Variants in ADH1B observed in about 807,000 individuals in gnomAD.
The protein encoded by ADH1B is all-trans-retinol dehydrogenase [NAD(+)] ADH1B.
ADH1B carries 29 observed loss-of-function variants against 34.6 expected under a neutral mutation model. The observed-to-expected ratio is 0.84, with a 90% CI of 0.62 to 1.14. The LOEUF (loss-of-function observed/expected upper bound fraction) is 1.14, where lower values mean the gene tolerates loss of function less well. ADH1B is among the 50% of genes most tolerant of loss of function. The probability of loss-of-function intolerance (pLI) is 0.00; values close to 1 mark genes in which losing one functional copy is unlikely to be tolerated. For synonymous variants in ADH1B, 170 were observed against 175.5 expected (o/e 0.97, Z 0.25); for missense variants, 424 against 468.4 (o/e 0.91, Z 0.87).
intron 3 of ADH1B, 73 bp from the exon 4 acceptor site, chr4:99,316,375 A>C (rs1325162502): frequency 1.4e-6 from 2 of 1,425,470 alleles, no homozygotes; most frequent in East Asian, 2.3e-5. Flanking sequence ...TAAAGCTCAC[A>C]TGTATTGATT....
chr4:99,311,460 T>C (rs1733751899), intron 7 of ADH1B, 61 bp downstream of exon 7: 2 of 1,553,094 alleles, frequency 1.3e-6, no homozygotes, highest in Non-Finnish European at 8.8e-7. Context: ...TGAGATTATA[T>C]TGAGATTAAT....
chr4:99,320,205 C>A (rs1733988414), intron 1 of ADH1B: 1 of 152,144 alleles, frequency 6.6e-6, no homozygotes, highest in Admixed American at 6.5e-5. Context: ...CCTCCTACTG[C>A]CCTTTTCCCT....
chr4:99,315,680 T>C (rs2110635564), intron 5 of ADH1B: 1 of 621,488 alleles, frequency 1.6e-6, no homozygotes, highest in East Asian at 2.9e-5. Context: ...AGAAGAAAAA[T>C]TATTGTAAAT....
At chr4:99,313,273 C>G (rs968767512) in intron 6 of ADH1B, among the ~76,000 whole-genome samples, 1 of 152,134 alleles carries the variant, frequency 6.6e-6, no homozygotes, top group South Asian at 2.1e-4. Context: ...TAGCTATGTG[C>G]CAGGCACTGT....
chr4:99,318,959 T>A lies in ADH1B; in HGVS notation c.19-73A>T, dbSNP rs28913912. 1.3e-3 allele frequency: 1,870 copies of A among 1,494,140 alleles called. 23 individuals are homozygous for A. The African/African-American group carries it at 0.022, about 18-fold the overall frequency. The allele number at this position is 1,494,140 out of a possible 1,614,324, so 92.6% of individuals were successfully genotyped here. On this transcript the variant is annotated intron_variant, in intron 1 of 8. Coordinates refer to ENST00000305046, the MANE Select transcript of ADH1B (RefSeq NM_000668.6). ...AGTCATAAGTTGTGTCTTTTCATCT[T>A]TGTACATGTAATATTGCGTCCCATG...
At chr4:99,315,419 G>C (rs974053478) in intron 5 of ADH1B, 11 of 194,134 alleles carry the variant, frequency 5.7e-5, no homozygotes, top group Non-Finnish European at 1.2e-4. Context: ...AATCCACAGA[G>C]TGGGTGAGCC....
intron 3 of ADH1B, chr4:99,317,770 T>A (rs985217557): frequency 6.9e-6 from 3 of 432,050 alleles, no homozygotes; most frequent in Non-Finnish European, 1.2e-5. Flanking sequence ...AGGCACTGTG[T>A]CTCTTTTGAT....
At chr4:99,308,316 A>G (rs1733664645) in intron 8 of ADH1B, among the ~76,000 whole-genome samples, 1 of 150,940 alleles carries the variant, frequency 6.6e-6, no homozygotes, top group East Asian at 1.9e-4. Flanking sequence ...TAGAGATTAT[A>G]AAAACTGAGA....
rs137896244 is a variant in ADH1B at position 99,309,346 on chromosome 4, T to C, written c.1103+1419A>G. ...TGTATCAATTACTACTGAAAGTACATGAAAGTGCCCAACTCACCTTATTCT... is the reference window on the plus strand; with the variant it reads ...TGTATCAATTACTACTGAAAGTACACGAAAGTGCCCAACTCACCTTATTCT... On this transcript the variant is annotated intron_variant, in intron 8 of 8. Coordinates refer to ENST00000305046, the MANE Select transcript of ADH1B (RefSeq NM_000668.6). 1.7e-3 allele frequency among the ~76,000 whole-genome samples: 259 copies of C among 152,326 alleles called. 1 individual carries two copies. Among genetic ancestry groups the C allele is most frequent in the African/African-American group, 5.7e-3 (237 of 41,570 alleles).
intron 3 of ADH1B, 24 bp downstream of exon 3, chr4:99,318,022 G>C (rs770743634): frequency 6.2e-7 from 1 of 1,612,854 alleles, no homozygotes; most frequent in East Asian, 2.2e-5. Flanking sequence ...AACCACACGT[G>C]TTCCCTGAGT....
intron 1 of ADH1B, chr4:99,320,852 T>G (rs879120900): frequency 1.8e-5 from 23 of 1,256,636 alleles, no homozygotes; most frequent in Non-Finnish European, 2.2e-5. Context: ...TATAGTAAGG[T>G]TAAAGGATAT....
chr4:99,311,711 C>G, intron 6 of ADH1B, 55 bp from the exon 7 acceptor site: 1 of 1,597,152 alleles, frequency 6.3e-7, no homozygotes, highest in Non-Finnish European at 8.5e-7. Flanking sequence ...AGTTCCTACT[C>G]ATAATGCACA....
intron 3 of ADH1B, 148 bp downstream of exon 3, chr4:99,317,898 C>A: frequency 7.4e-7 from 1 of 1,346,970 alleles, no homozygotes; most frequent in Non-Finnish European, 1.0e-6. Context: ...GTCAGGCAGG[C>A]AGAGAGGGAA....
chr4:99,313,849 A>G lies in ADH1B; in HGVS notation c.800T>C (p.Phe267Ser). The G allele has an allele frequency of 3.1e-6, 5 of 1,614,044 alleles. No homozygotes were observed. The highest frequency in any genetic ancestry group is 4.2e-6 in the Non-Finnish European group (5 of 1,179,904). The stretch of plus-strand genomic sequence containing the variant: ...GGTGTCAAGCCGACCGATGACTTCA[A>G]ACGAAAAATCCACACCTCCATCAGT... ...EMTDGGVDFS[F>S]EVIGRLDTMM... Residue 267 changes from phenylalanine to serine, a missense_variant, in exon 6 of 9, where the codon TTT becomes TCT. Transcript: ENST00000305046.
chr4:99,313,689 TAACA>T (rs1733806071), intron 6 of ADH1B, 128 bp downstream of exon 6: 9 of 1,520,532 alleles, frequency 5.9e-6, no homozygotes, highest in Admixed American at 2.0e-5. Flanking sequence ...ACAAGCCACA[TAACA>T]AACAGATGAT....
chr4:99,319,556 T>C (rs572386906), intron 1 of ADH1B: 1 of 155,678 alleles, frequency 6.4e-6, no homozygotes, highest in Admixed American at 6.3e-5. Flanking sequence ...AGATTAGAGT[T>C]GGTGGTGTGT....
chr4:99,316,496 G>T (rs1733889479), intron 3 of ADH1B, 194 bp from the exon 4 acceptor site: 1 of 667,782 alleles, frequency 1.5e-6, no homozygotes, highest in Non-Finnish European at 2.5e-6. Flanking sequence ...AGTGCCTGAG[G>T]ATTCCTACTG....
At chr4:99,319,878 T>C (rs1733982064) in intron 1 of ADH1B, 1 of 152,124 alleles carries the variant, frequency 6.6e-6, no homozygotes, top group South Asian at 2.1e-4. Flanking sequence ...ATTTTCAACT[T>C]TGTAGGATGT....
intron 5 of ADH1B, 134 bp downstream of exon 5, chr4:99,315,764 C>G: frequency 9.1e-7 from 1 of 1,097,074 alleles, no homozygotes; most frequent in Non-Finnish European, 1.3e-6. Context: ...TCAATTCTTT[C>G]TGGGCCATTT....
Sources: allele counts gnomAD v4.1 joint callset (sites outside exome capture counted in the v4.1 genomes callset), GRCh38; gene constraint gnomAD v4.1.1; transcripts MANE v1.5; gene names NCBI Gene and HGNC (gene_info 2026-07-23, HGNC 2026-07-21).